The following MTBP variants were observed in gnomAD, a reference collection of about 807,000 sequenced individuals.
The protein encoded by MTBP is MDM2 binding protein.
A neutral mutation model predicts 117.0 loss-of-function variants in MTBP; 101 were observed. The ratio of observed to expected loss-of-function variants is 0.86; its 90% CI spans 0.73 to 1.02. MTBP has a LOEUF of 1.02. MTBP is among the 50% of genes least tolerant of loss of function. MTBP has a pLI of 0.00. For synonymous variants in MTBP, 350 were observed against 351.5 expected (o/e 1.00, Z 0.05); for missense variants, 970 against 1,030.9 (o/e 0.94, Z 0.81).
chr8:120,505,848 T>C (rs914456650), intron 15 of MTBP, among the ~76,000 whole-genome samples: 9 of 152,160 alleles, frequency 5.9e-5, no homozygotes, highest in African/African-American at 1.9e-4. Flanking sequence ...TTTTTTTTCA[T>C]TTATAGGGTC....
At chr8:120,472,930 T>A (rs893628331) in intron 11 of MTBP, 3 of 152,138 alleles carry the variant, frequency 2.0e-5, no homozygotes, top group African/African-American at 7.2e-5. Flanking sequence ...ATAAAGAACA[T>A]GGCTAGAGAA....
At chr8:120,516,659 A>C (rs1277043913) in intron 18 of MTBP, among the ~76,000 whole-genome samples, 1 of 152,038 alleles carries the variant, frequency 6.6e-6, no homozygotes, top group Admixed American at 6.6e-5. Flanking sequence ...AATATATGAA[A>C]CTTTTCTGGA....
At chr8:120,521,048 G>A (rs1208249210) in intron 20 of MTBP, among the ~76,000 whole-genome samples, 1 of 152,062 alleles carries the variant, frequency 6.6e-6, no homozygotes, top group South Asian at 2.1e-4. Context: ...ACCAGGCCTA[G>A]GCAGCAACTA....
Position 120,469,190 on chromosome 8 carries a change from C to T in MTBP, c.1048-1630C>T, listed in dbSNP as rs566001671. Among the ~76,000 whole-genome samples the T allele has an allele frequency of 2.6e-5, 4 of 152,110 alleles. No homozygotes were observed. The East Asian group carries it at 7.7e-4, about 29-fold the overall frequency. On this transcript the variant is annotated intron_variant, in intron 10 of 21. Coordinates refer to ENST00000305949, the MANE Select transcript of MTBP (RefSeq NM_022045.5). ...CCTCCCAAGTATCTGGGACTACAGG[C>T]GTATGCCACCATGCCTGGCTAATTT...
chr8:120,518,920 T>G (rs1814968213), intron 20 of MTBP, 103 bp downstream of exon 20: 7 of 617,042 alleles, frequency 1.1e-5, no homozygotes, highest in Non-Finnish European at 1.7e-5. Flanking sequence ...GAGCGTATAC[T>G]TGCTGCCAGA....
intron 14 of MTBP, 83 bp downstream of exon 14, chr8:120,497,637 G>A: frequency 6.1e-6 from 5 of 825,930 alleles, no homozygotes; most frequent in Admixed American, 3.3e-5. Context: ...AAAATGTATT[G>A]GTCAAATCAA....
Position 120,522,970 on chromosome 8 carries a change from G to C in MTBP, c.2676+251G>C, listed in dbSNP as rs61191494. On this transcript the variant is annotated intron_variant, in intron 21 of 21. Coordinates refer to ENST00000305949, the MANE Select transcript of MTBP (RefSeq NM_022045.5). The stretch of plus-strand genomic sequence containing the variant: ...AGCAAAAGAAAAAATAAATTAGCTG[G>C]AAAAACCAATCCATTTTGGTTAGCT... 6.2e-3 allele frequency among the ~76,000 whole-genome samples: 948 copies of C among 152,176 alleles called. 7 individuals carry two copies. The highest frequency in any genetic ancestry group is 0.02 in the African/African-American group (849 of 41,536).
At chr8:120,479,631 T>G (rs1251048325) in intron 11 of MTBP, among the ~76,000 whole-genome samples, 1 of 152,056 alleles carries the variant, frequency 6.6e-6, no homozygotes, top group East Asian at 1.9e-4. Context: ...AGGATAGAAA[T>G]AATACACACG....
At chr8:120,458,894 A>G (rs1469913023) in intron 7 of MTBP, among the ~76,000 whole-genome samples, 3 of 151,298 alleles carry the variant, frequency 2.0e-5, no homozygotes, top group South Asian at 2.1e-4. Context: ...CTGTCTTTGC[A>G]TAACTTACAG....
At chr8:120,481,947 C>CT (rs1020361806) in intron 11 of MTBP, among the ~76,000 whole-genome samples, 62 of 152,050 alleles carry the variant, frequency 4.1e-4, no homozygotes, top group Non-Finnish European at 5.1e-4. Flanking sequence ...TAAAGAATCA[C>CT]TTTTTTTCTA....
chr8:120,446,630 A>T, intron 2 of MTBP, 117 bp downstream of exon 2: 2 of 648,442 alleles, frequency 3.1e-6, no homozygotes. Context: ...CAAGGCACTG[A>T]GTTACAGAGA....
At chr8:120,501,810 A>G (rs1417903042) in intron 14 of MTBP, among the ~76,000 whole-genome samples, 2 of 152,164 alleles carry the variant, frequency 1.3e-5, no homozygotes, top group African/African-American at 2.4e-5. Context: ...ATAATTTCTA[A>G]TAAGAACAGA....
At chr8:120,494,604 T>C (rs1466533351) in intron 13 of MTBP, among the ~76,000 whole-genome samples, 3 of 152,242 alleles carry the variant, frequency 2.0e-5, no homozygotes, top group Non-Finnish European at 2.9e-5. Flanking sequence ...CATCTAACTA[T>C]GGAAGATAAA....
intron 10 of MTBP, among the ~76,000 whole-genome samples, chr8:120,468,282 G>T (rs895371871): frequency 6.6e-6 from 1 of 151,928 alleles, no homozygotes; most frequent in Admixed American, 6.6e-5. Context: ...TAACATATTA[G>T]GTTGGTGTAA....
chr8:120,510,365 T>G (rs1440845624), intron 17 of MTBP, among the ~76,000 whole-genome samples: 2 of 152,090 alleles, frequency 1.3e-5, no homozygotes, highest in African/African-American at 2.4e-5. Flanking sequence ...GCTCAGAAAT[T>G]GTTAGATAGG....
chr8:120,449,090 G>A (rs567979850), intron 2 of MTBP, among the ~76,000 whole-genome samples: 1 of 152,284 alleles, frequency 6.6e-6, no homozygotes, highest in South Asian at 2.1e-4. Context: ...AGCTATTTCT[G>A]TACTGGGGGA....
In MTBP at chr8:120,518,038, A is replaced by G. The variant is rs778593464; in HGVS notation, c.2434A>G (p.Ser812Gly). ...TACAAAGACCAGTTCAGGTCAAAAA[A>G]GTATGCATGAATCAAAAACATCAAG... is the stretch of plus-strand genomic sequence containing the variant. ...LATKTSSGQK[S>G]MHESKTSRQI... The change falls in exon 19 of 22, where the codon AGT (serine) becomes GGT (glycine). Residue 812 changes from serine (S) to glycine (G), a missense_variant. Physicochemically the swap from Ser to Gly is moderately conservative, Grantham distance 56. Transcript: ENST00000305949. The G allele has an allele frequency of 1.2e-6, 2 of 1,612,912 alleles. No individual in the cohort carries two copies. Among genetic ancestry groups the G allele is most frequent in the Non-Finnish European group, 1.7e-6 (2 of 1,179,162 alleles).
chr8:120,491,832 A>G (rs1365756874), intron 13 of MTBP, among the ~76,000 whole-genome samples: 1 of 152,102 alleles, frequency 6.6e-6, no homozygotes, highest in African/African-American at 2.4e-5. Context: ...GGACCTCTCT[A>G]AAGCTGGTGC....
rs758066423 is a variant in MTBP at position 120,502,607 on chromosome 8, G to T, written c.1725G>T (p.Met575Ile). 2.5e-6 allele frequency: 4 copies of T among 1,569,452 alleles called. No individual in the cohort carries two copies. Among genetic ancestry groups the T allele is most frequent in the Non-Finnish European group, 3.5e-6 (4 of 1,148,002 alleles). The change falls in exon 15 of 22, where the codon ATG becomes ATT. Residue 575 changes from methionine to isoleucine, a missense_variant and splice_region_variant. Transcript: ENST00000305949. ...LETFEKTKQK[M>I]RTGSLPHSSE... Reference sequence around the variant, plus strand: ...CTTTTGAAAAAACTAAACAAAAAATGAGGTAATATTTGAATCTGTAGTAAA... The same window carrying T: ...CTTTTGAAAAAACTAAACAAAAAATTAGGTAATATTTGAATCTGTAGTAAA...
Sources: allele counts gnomAD v4.1 joint callset (sites outside exome capture counted in the v4.1 genomes callset), GRCh38; gene constraint gnomAD v4.1.1; transcripts MANE v1.5; gene names NCBI Gene and HGNC (gene_info 2026-07-23, HGNC 2026-07-21).